The following RBMS2 variants were observed in gnomAD, a reference collection of about 807,000 sequenced individuals.
The protein encoded by RBMS2 is RNA-binding motif, single-stranded-interacting protein 2.
In RBMS2, 38 loss-of-function variants were observed where a neutral mutation model predicts 58.4. The ratio of observed to expected loss-of-function variants is 0.65; its 90% CI spans 0.50 to 0.85. The LOEUF is 0.85. RBMS2 is among the 40% of genes least tolerant of loss of function. RBMS2 has a pLI of 0.00. For synonymous variants in RBMS2, 151 were observed against 180.7 expected, an observed-to-expected ratio of 0.84 and a Z score of 1.32; for missense variants, 367 against 503.7, an observed-to-expected ratio of 0.73 and a Z score of 2.60.
intron 9 of RBMS2, among the ~76,000 whole-genome samples, chr12:56,585,388 C>G (rs1372669298): frequency 1.3e-5 from 2 of 152,226 alleles, no homozygotes; most frequent in East Asian, 3.9e-4. Context: ...CCTTGCAACC[C>G]ATTATATACT....
chr12:56,536,067 G>A (rs1307969575), intron 1 of RBMS2, among the ~76,000 whole-genome samples: 1 of 151,808 alleles, frequency 6.6e-6, no homozygotes, highest in Non-Finnish European at 1.5e-5. Context: ...TGGGCGTGGT[G>A]GCGCACACCG....
chr12:56,539,273 T>C (rs1460206462), intron 1 of RBMS2, among the ~76,000 whole-genome samples: 2 of 152,286 alleles, frequency 1.3e-5, no homozygotes, highest in East Asian at 3.9e-4. Context: ...CACCTCAGCC[T>C]CCCAAAGTAC....
chr12:56,544,754 A>ATTTTTTTTTTTTTTTTTTTTTTTT (rs537510847), intron 1 of RBMS2, among the ~76,000 whole-genome samples: 1 of 116,076 alleles, frequency 8.6e-6, no homozygotes, highest in Non-Finnish European at 1.7e-5. Flanking sequence ...CTAATTTTTA[A>ATTTTTTTTTTTTTTTTTTTTTTTT]TTTTTTTTTT....
chr12:56,540,056 A>G (rs1056442774), intron 1 of RBMS2, among the ~76,000 whole-genome samples: 2 of 152,186 alleles, frequency 1.3e-5, no homozygotes, highest in Admixed American at 6.6e-5. Context: ...AAAATAGGCC[A>G]CAGCCTTCTT....
chr12:56,577,414 A>AAAT lies in RBMS2; in HGVS notation c.543-3758_543-3756dup, dbSNP rs558677561. The stretch of plus-strand genomic sequence containing the variant: ...CAACAAGAGCGAAACTCCATCTCAA[A>AAAT]AATAATAATAATAAATAAAATAAAA... On this transcript the variant is annotated intron_variant, in intron 5 of 13. Coordinates refer to ENST00000262031, the MANE Select transcript of RBMS2 (RefSeq NM_002898.4). Among the ~76,000 whole-genome samples, 461 of 151,100 alleles carry AAAT rather than the reference A, an allele frequency of 3.1e-3. 1 individual carries two copies. Among genetic ancestry groups the AAAT allele is most frequent in the Middle Eastern group, 6.9e-3 (2 of 288 alleles).
intron 1 of RBMS2, among the ~76,000 whole-genome samples, chr12:56,557,945 T>A (rs1261750322): frequency 7.0e-6 from 1 of 143,288 alleles, no homozygotes; most frequent in Non-Finnish European, 1.5e-5. Flanking sequence ...TCCATGTTGG[T>A]CAGGCTGGTC....
intron 2 of RBMS2, 104 bp from the exon 3 acceptor site, chr12:56,568,870 AG>A: frequency 2.1e-6 from 2 of 973,088 alleles, no homozygotes; most frequent in Non-Finnish European, 3.1e-6. Flanking sequence ...GAGTAGGAAA[AG>A]TTAGATCATG....
At chr12:56,549,941 G>A (rs759534111) in intron 1 of RBMS2, among the ~76,000 whole-genome samples, 1 of 151,996 alleles carries the variant, frequency 6.6e-6, no homozygotes, top group Non-Finnish European at 1.5e-5. Flanking sequence ...CAGGAGAATC[G>A]CTTGAACCCA....
chr12:56,573,434 G>C (rs763886932), intron 5 of RBMS2, among the ~76,000 whole-genome samples: 11 of 132,756 alleles, frequency 8.3e-5, no homozygotes, highest in Non-Finnish European at 1.4e-4. Flanking sequence ...CCGAGATCGC[G>C]CCATTGCATT....
chr12:56,581,529 A>C, intron 7 of RBMS2, 21 bp downstream of exon 7: 1 of 1,591,942 alleles, frequency 6.3e-7, no homozygotes, highest in Non-Finnish European at 8.6e-7. Context: ...CTCTGAGGAG[A>C]CAGGAGTACT....
chr12:56,571,664 T>A, intron 4 of RBMS2, 34 bp from the exon 5 acceptor site: 2 of 1,490,128 alleles, frequency 1.3e-6, no homozygotes, highest in South Asian at 1.4e-5. Context: ...GGATAAGAGA[T>A]GTGAGCCTCA....
chr12:56,538,290 C>T (rs1875332103), intron 1 of RBMS2, among the ~76,000 whole-genome samples: 1 of 151,856 alleles, frequency 6.6e-6, no homozygotes, highest in Admixed American at 6.6e-5. Context: ...ACCTCAGTCT[C>T]CCAAAGTGCC....
In RBMS2 at chr12:56,594,638, G is replaced by A. The variant is rs1416020152; in HGVS notation, c.*5505G>A. The stretch of plus-strand genomic sequence containing the variant: ...CTATGGACTTCCATAGGAGTTGGCA[G>A]CTAAAACCAGACTGTGAGCTTCTGT... On this transcript the variant is annotated 3_prime_UTR_variant, in exon 14 of 14. Transcript: ENST00000262031. The A allele has an allele frequency of 6.6e-6, 1 of 152,180 alleles. No individual in the cohort carries two copies. Among genetic ancestry groups the A allele is most frequent in the East Asian group, 1.9e-4 (1 of 5,196 alleles). The allele number at this position is 152,180 out of a possible 1,614,324, so 9.4% of individuals were successfully genotyped here. A position where few individuals can be genotyped will look rare whatever the true frequency, so the allele number is the denominator to read the frequency against.
At position 56,594,438 on chromosome 12, in the gene RBMS2, A is replaced by G. The variant is rs1253030081; in HGVS notation, c.*5305A>G. 1.3e-5 allele frequency: 2 copies of G among 152,244 alleles called. No homozygotes were observed. Among genetic ancestry groups the G allele is most frequent in the African/African-American group, 4.8e-5 (2 of 41,470 alleles). The allele number at this position is 152,244 out of a possible 1,614,324, so 9.4% of individuals were successfully genotyped here. On this transcript the variant is annotated 3_prime_UTR_variant, in exon 14 of 14. Coordinates refer to ENST00000262031, the MANE Select transcript of RBMS2 (RefSeq NM_002898.4). ...GGCTTCAGAGACGAGGGTGGGTGTT[A>G]TAAAAGCCAGTCTGTAAAGGGTAAA... is the stretch of plus-strand genomic sequence containing the variant.
intron 1 of RBMS2, among the ~76,000 whole-genome samples, chr12:56,537,803 G>A (rs944124610): frequency 6.7e-6 from 1 of 149,826 alleles, no homozygotes; most frequent in Non-Finnish European, 1.5e-5. Context: ...ACTGCACAAG[G>A]GTTCCAATTT....
intron 1 of RBMS2, among the ~76,000 whole-genome samples, chr12:56,536,472 C>T (rs1874854356): frequency 6.6e-6 from 1 of 151,722 alleles, no homozygotes; most frequent in African/African-American, 2.4e-5. Flanking sequence ...TTCCTTACCT[C>T]CTACTCTTTT....
intron 1 of RBMS2, among the ~76,000 whole-genome samples, chr12:56,549,060 A>G (rs1877762306): frequency 6.6e-6 from 1 of 152,146 alleles, no homozygotes; most frequent in African/African-American, 2.4e-5. Context: ...CCAGGCTGGA[A>G]TGATCTCGGC....
intron 1 of RBMS2, among the ~76,000 whole-genome samples, chr12:56,541,137 G>A: frequency 6.6e-6 from 1 of 150,630 alleles, no homozygotes; most frequent in East Asian, 1.9e-4. Context: ...CTAAGTCTCT[G>A]CGACTTTTGA....
At chr12:56,539,821 C>G (rs1026411501) in intron 1 of RBMS2, 2 of 303,594 alleles carry the variant, frequency 6.6e-6, no homozygotes, top group Non-Finnish European at 1.3e-5. Context: ...GTTCTAAGCC[C>G]TTTATAAAAT....
Sources: allele counts gnomAD v4.1 joint callset (sites outside exome capture counted in the v4.1 genomes callset), GRCh38; gene constraint gnomAD v4.1.1; transcripts MANE v1.5; gene names NCBI Gene and HGNC (gene_info 2026-07-23, HGNC 2026-07-21).